Variants in ASTN1 observed in about 807,000 individuals in gnomAD.
ASTN1 encodes the protein astrotactin-1.
Under a neutral mutation model 140.7 loss-of-function variants are expected in ASTN1, and 41 were observed. That is an observed-to-expected ratio of 0.29 (90% CI 0.23 to 0.38). The LOEUF is 0.38. ASTN1 is among the 10% of genes least tolerant of loss of function. The pLI, the probability that ASTN1 is intolerant of heterozygous loss-of-function variation, is 1.00. For missense variants in ASTN1, 1,479 were observed against 1,678.8 expected, an observed-to-expected ratio of 0.88 and a Z score of 2.08; for synonymous variants, 640 against 652.2, an observed-to-expected ratio of 0.98 and a Z score of 0.29.
intron 8 of ASTN1, among the ~76,000 whole-genome samples, chr1:176,994,885 C>G (rs1190903676): frequency 1.3e-5 from 2 of 151,738 alleles, no homozygotes; most frequent in Admixed American, 1.3e-4. Context: ...TTCCAGGTAC[C>G]TAACACAATC....
chr1:176,878,818 C>A lies in ASTN1; in HGVS notation c.3363-2181G>T, dbSNP rs1668671449. On this transcript the variant is annotated intron_variant, in intron 20 of 22. Transcript: ENST00000361833. ...CCACAAGGCGAAGTTCCCCCTCATACCCGTGTTTCCTCCATAAAGTAGCAA... is the reference window on the plus strand; with the variant it reads ...CCACAAGGCGAAGTTCCCCCTCATAACCGTGTTTCCTCCATAAAGTAGCAA... Among the ~76,000 whole-genome samples, 2 of 152,146 alleles carry A rather than the reference C, an allele frequency of 1.3e-5. 1 individual carries two copies. Among genetic ancestry groups the A allele is most frequent in the South Asian group, 4.1e-4 (2 of 4,836 alleles).
chr1:176,962,704 A>G (rs1672719320), intron 9 of ASTN1, among the ~76,000 whole-genome samples: 2 of 152,220 alleles, frequency 1.3e-5, no homozygotes, highest in Non-Finnish European at 2.9e-5. Context: ...TAGAATCACC[A>G]TGATGCTTTT....
At chr1:177,113,624 C>T (rs933766185) in intron 1 of ASTN1, among the ~76,000 whole-genome samples, 1 of 152,168 alleles carries the variant, frequency 6.6e-6, no homozygotes, top group Admixed American at 6.5e-5. Context: ...CCTTTTTGCT[C>T]TCACCTACAG....
chr1:177,103,205 C>T (rs1680383151), intron 1 of ASTN1, among the ~76,000 whole-genome samples: 1 of 152,018 alleles, frequency 6.6e-6, no homozygotes. Flanking sequence ...TTCACAGCTC[C>T]CAGCAGAGAA....
chr1:176,911,588 A>C (rs1670243566), intron 16 of ASTN1, among the ~76,000 whole-genome samples: 1 of 152,008 alleles, frequency 6.6e-6, no homozygotes, highest in Non-Finnish European at 1.5e-5. Flanking sequence ...CGAAGACACA[A>C]ACACATACAT....
intron 8 of ASTN1, among the ~76,000 whole-genome samples, chr1:176,991,436 C>CAA (rs1173420812): frequency 3.0e-3 from 42 of 13,804 alleles, no homozygotes; most frequent in South Asian, 7.0e-3. Context: ...AAAAAAAAAC[C>CAA]AAAAAAAAAA....
intron 1 of ASTN1, among the ~76,000 whole-genome samples, chr1:177,110,922 G>A (rs1571799118): frequency 6.6e-6 from 1 of 152,138 alleles, no homozygotes; most frequent in African/African-American, 2.4e-5. Flanking sequence ...ATTATGAAGT[G>A]GGCTTGATTT....
chr1:176,964,131 C>G (rs1672775419), intron 9 of ASTN1, among the ~76,000 whole-genome samples: 1 of 152,102 alleles, frequency 6.6e-6, no homozygotes, highest in Non-Finnish European at 1.5e-5. Flanking sequence ...AATGCAGGAG[C>G]AAAAATTAAC....
intron 17 of ASTN1, among the ~76,000 whole-genome samples, chr1:176,893,659 G>A (rs1304699650): frequency 6.6e-6 from 1 of 152,270 alleles, no homozygotes; most frequent in East Asian, 1.9e-4. Context: ...ACCCCACCTG[G>A]ATGGGCACAC....
At chr1:177,103,668 T>C (rs1680407081) in intron 1 of ASTN1, among the ~76,000 whole-genome samples, 2 of 152,082 alleles carry the variant, frequency 1.3e-5, no homozygotes, top group African/African-American at 2.4e-5. Context: ...AAGGCTTCCA[T>C]CTGGTGTCAA....
At chr1:177,104,415 G>T (rs576880298) in intron 1 of ASTN1, among the ~76,000 whole-genome samples, 90 of 151,234 alleles carry the variant, frequency 6.0e-4, no homozygotes, top group Non-Finnish European at 9.0e-4. Context: ...ACTGCAAAAA[G>T]AAAAAAAAGT....
chr1:177,027,747 TGTGTGTGTGTGTGTGTA>T (rs1676200096), intron 5 of ASTN1, among the ~76,000 whole-genome samples: 1 of 150,846 alleles, frequency 6.6e-6, no homozygotes, highest in African/African-American at 2.4e-5. Context: ...TGTGTGTGTG[TGTGTGTGTGTGTGTGTA>T]TGTGTATATA....
intron 14 of ASTN1, among the ~76,000 whole-genome samples, chr1:176,941,076 A>T (rs1671693307): frequency 6.6e-6 from 1 of 152,234 alleles, no homozygotes; most frequent in African/African-American, 2.4e-5. Flanking sequence ...TCTTAAGATC[A>T]CTTTAGCTCT....
chr1:177,075,910 G>A (rs776376275), intron 1 of ASTN1, among the ~76,000 whole-genome samples: 15 of 151,786 alleles, frequency 9.9e-5, no homozygotes, highest in African/African-American at 2.2e-4. Context: ...CCAAAGCACC[G>A]TGATTACAGG....
At chr1:177,025,788 G>A (rs548446260) in intron 5 of ASTN1, among the ~76,000 whole-genome samples, 2 of 152,246 alleles carry the variant, frequency 1.3e-5, no homozygotes, top group East Asian at 1.9e-4. Context: ...AAGAGTTGAC[G>A]CTCCTTGTGG....
At chr1:177,120,855 G>T (rs1481870517) in intron 1 of ASTN1, among the ~76,000 whole-genome samples, 1 of 152,192 alleles carries the variant, frequency 6.6e-6, no homozygotes. Context: ...ATCCCTAGCA[G>T]CAGCCTAACT....
chr1:176,965,323 G>C, intron 8 of ASTN1, 86 bp from the exon 9 acceptor site: 1 of 1,344,228 alleles, frequency 7.4e-7, no homozygotes, highest in Non-Finnish European at 1.1e-6. Flanking sequence ...GTGCTAGGTG[G>C]TAGACACCCA....
At position 176,988,412 on chromosome 1, in the gene ASTN1, C is replaced by A. The variant is rs3925882; in HGVS notation, c.1524-23175G>T. Among the ~76,000 whole-genome samples the A allele has an allele frequency of 1.2e-3, 187 of 151,868 alleles. 2 individuals carry two copies. The highest frequency in any genetic ancestry group is 4.3e-3 in the African/African-American group (179 of 41,400). Reference sequence around the variant, plus strand: ...TGAGAAAAGCTGAAGGCCAAGGTCTCACTTTGGGTTATTTGCAAATTAATA... The same window carrying A: ...TGAGAAAAGCTGAAGGCCAAGGTCTAACTTTGGGTTATTTGCAAATTAATA... On this transcript the variant is annotated intron_variant, in intron 8 of 22. Transcript: ENST00000361833.
At chr1:177,031,038 A>AT in intron 3 of ASTN1, 86 bp from the exon 4 acceptor site, 1 of 1,410,510 alleles carries the variant, frequency 7.1e-7, no homozygotes, top group Non-Finnish European at 9.6e-7. Context: ...AACCAAGAAG[A>AT]TAAGGTCTCA....
Sources: allele counts gnomAD v4.1 joint callset (sites outside exome capture counted in the v4.1 genomes callset), GRCh38; gene constraint gnomAD v4.1.1; transcripts MANE v1.5; gene names NCBI Gene and HGNC (gene_info 2026-07-23, HGNC 2026-07-21).